The following LAS1L variants were observed in gnomAD, a reference collection of about 807,000 sequenced individuals.
The protein encoded by LAS1L is LAS1 like ribosome biogenesis factor, also known as ribosomal biogenesis protein LAS1L.
Under a neutral mutation model 57.3 loss-of-function variants are expected in LAS1L, and 5 were observed. That is an observed-to-expected ratio of 0.09 (90% CI 0.05 to 0.18). The LOEUF is 0.18. Ranked by LOEUF, LAS1L falls within the 10% of genes least tolerant of loss-of-function variation. LAS1L has a pLI of 1.00. For synonymous variants in LAS1L, 245 were observed against 231.7 expected, an observed-to-expected ratio of 1.06 and a Z score of -0.52; for missense variants, 360 against 568.3, an observed-to-expected ratio of 0.63 and a Z score of 3.73.
intron 3 of LAS1L, among the ~76,000 whole-genome samples, chrX:65,531,714 A>C (rs911777194): frequency 2.7e-5 from 3 of 112,177 alleles, no homozygotes; most frequent in African/African-American, 9.7e-5. Context: ...TTGGGAGCCC[A>C]GGGCAGGTGG....
At chrX:65,523,984 G>C in intron 10 of LAS1L, 72 bp downstream of exon 10, 1 of 1,016,064 alleles carries the variant, frequency 9.8e-7, no homozygotes, top group Non-Finnish European at 1.4e-6. Context: ...TCTTAGCAGA[G>C]AGCTGAGGAC....
chrX:65,534,650 C>G lies in LAS1L; in HGVS notation c.66G>C (p.Ala22=), dbSNP rs1219474459. ...TCCCTTTAACGCACTTTCCGTACCACGCACTCCACACGAGATCCATCCCCT... is the reference window on the plus strand; with the variant it reads ...TCCCTTTAACGCACTTTCCGTACCAGGCACTCCACACGAGATCCATCCCCT... The part of the protein sequence containing the change: ...GSQGMDLVWS[A]WYGKCVKGKG... The change falls in exon 1 of 14, where the codon GCG becomes GCC. Residue 22 remains alanine (A), a synonymous_variant. Transcript: ENST00000374811. The G allele has an allele frequency of 1.0e-5, 12 of 1,190,779 alleles. No individual in the cohort carries two copies. Among genetic ancestry groups the G allele is most frequent in the African/African-American group, 1.8e-5 (1 of 56,408 alleles).
At chrX:65,527,832 C>CA (rs1230988229) in intron 7 of LAS1L, among the ~76,000 whole-genome samples, 3 of 108,364 alleles carry the variant, frequency 2.8e-5, no homozygotes, top group South Asian at 7.9e-4. Context: ...GACACTTTCT[C>CA]AAAAAAAATA....
intron 13 of LAS1L, among the ~76,000 whole-genome samples, chrX:65,514,566 ACG>A (rs1491543159): frequency 3.1e-5 from 3 of 97,981 alleles, no homozygotes; most frequent in Admixed American, 1.1e-4. Flanking sequence ...ACACACACAC[ACG>A]TCCATCCATA....
intron 7 of LAS1L, among the ~76,000 whole-genome samples, chrX:65,525,500 C>A (rs1349465392): frequency 9.1e-6 from 1 of 110,457 alleles, no homozygotes; most frequent in East Asian, 2.8e-4. Flanking sequence ...TGGCTACCTT[C>A]TTTTAGATCC....
chrX:65,529,765 C>A lies in LAS1L; in HGVS notation c.628G>T (p.Asp210Tyr). The change falls in exon 5 of 14, where the codon GAT becomes TAT. Residue 210 changes from aspartate to tyrosine, a missense_variant. This residue lies in a region of LAS1L where 51 missense variants were observed against 43.1 expected (regional missense o/e 1.18). Transcript: ENST00000374811. The stretch of plus-strand genomic sequence containing the variant: ...ACAATGTTCTTATCTTCCTCTTGAT[C>A]CTCTTCCTCTATCCCTTCCCTGAAC... Reference protein sequence around the residue: ...EEFREGIEEEDQEEDKNIVVD... With the variant: ...EEFREGIEEEYQEEDKNIVVD... 8.3e-7 allele frequency: 1 copy of A among 1,211,650 alleles called. No homozygotes were observed. The highest frequency in any genetic ancestry group is 1.1e-6 in the Non-Finnish European group (1 of 895,378).
In LAS1L at chrX:65,512,765, G is replaced by C. The variant is rs1245443426; in HGVS notation, c.*10C>G. 3 of 1,165,902 alleles carry C rather than the reference G, an allele frequency of 2.6e-6. No homozygotes were observed. The highest frequency in any genetic ancestry group is 1.1e-6 in the Non-Finnish European group (1 of 871,486). On this transcript the variant is annotated 3_prime_UTR_variant, in exon 14 of 14. Coordinates refer to ENST00000374811, the MANE Select transcript of LAS1L (RefSeq NM_031206.7). ...CACGGCTGGATGAACACTTGCACCA[G>C]GGATGGCCATCAGAAGAGCTGCAGG...
chrX:65,520,406 A>C, intron 11 of LAS1L: 8 of 745,881 alleles, frequency 1.1e-5, no homozygotes, highest in Non-Finnish European at 1.3e-5. Flanking sequence ...CTCTACAAAA[A>C]AACACAGCAC....
chrX:65,533,803 T>G, intron 1 of LAS1L, 68 bp from the exon 2 acceptor site: 1 of 1,120,183 alleles, frequency 8.9e-7, no homozygotes. Context: ...CCTCAGAACC[T>G]AGGTTGTTGC....
chrX:65,526,949 C>T (rs943481712), intron 7 of LAS1L, among the ~76,000 whole-genome samples: 7 of 110,575 alleles, frequency 6.3e-5, no homozygotes, highest in African/African-American at 2.3e-4. Context: ...TGGTGGCTCA[C>T]ATCTGTAATC....
intron 2 of LAS1L, 29 bp from the exon 3 acceptor site, chrX:65,532,659 A>G (rs946031742): frequency 6.7e-6 from 7 of 1,045,111 alleles, no homozygotes; most frequent in Non-Finnish European, 8.1e-6. Flanking sequence ...TAAGTGGCAC[A>G]GCCCAAGGAA....
chrX:65,520,848 CT>C lies in LAS1L; in HGVS notation c.1449-2384del, dbSNP rs1228779354. ...GATTGGAAAGTACCTTGAAGGCCAC[CT>C]ATCCAAACCTCTCCATGCTGCTCTT... On this transcript the variant is annotated intron_variant, in intron 11 of 13. Transcript: ENST00000374811. 3 of 752,315 alleles carry C rather than the reference CT, an allele frequency of 4.0e-6. No homozygotes were observed. In the African/African-American group the frequency reaches 7.0e-5, roughly 17 times the overall value. 62.0% of individuals were successfully genotyped at this position (752,315 alleles called of 1,213,427 possible).
At chrX:65,519,753 G>T (rs2068776255) in intron 11 of LAS1L, among the ~76,000 whole-genome samples, 1 of 110,904 alleles carries the variant, frequency 9.0e-6, no homozygotes, top group Non-Finnish European at 1.9e-5. Context: ...GACGGGCCAT[G>T]AGCTCAGCAG....
intron 11 of LAS1L, 104 bp from the exon 12 acceptor site, chrX:65,518,569 C>T: frequency 1.9e-6 from 2 of 1,049,937 alleles, no homozygotes; most frequent in Non-Finnish European, 2.5e-6. Context: ...CCAGACCTGC[C>T]TCTGAAAGGC....
chrX:65,518,040 A>G lies in LAS1L; in HGVS notation c.1874T>C (p.Leu625Pro), dbSNP rs778107805. The G allele has an allele frequency of 9.1e-6, 11 of 1,211,569 alleles. No homozygotes were observed. The change falls in exon 12 of 14, where the codon CTT becomes CCT. Residue 625 changes from leucine (L) to proline (P), a missense_variant. Leu to Pro is a moderately conservative substitution (Grantham distance 98). This residue lies in a region of LAS1L where 123 missense variants were observed against 168.3 expected (regional missense o/e 0.73). Transcript: ENST00000374811. ...QESPTAENAR[L>P]LAQKRGALQG... ...CAAAGCTCCTCTTTTCTGGGCCAGAAGCCTAGCATTCTCGGCAGTGGGGGA... is the reference window on the plus strand; with the variant it reads ...CAAAGCTCCTCTTTTCTGGGCCAGAGGCCTAGCATTCTCGGCAGTGGGGGA...
At chrX:65,513,295 C>T (rs560118291) in intron 13 of LAS1L, among the ~76,000 whole-genome samples, 85 of 112,224 alleles carry the variant, frequency 7.6e-4, no homozygotes, top group Non-Finnish European at 1.1e-3. Flanking sequence ...CCCTCCCACA[C>T]CCAACACCTG....
At chrX:65,519,231 G>A (rs1483689863) in intron 11 of LAS1L, among the ~76,000 whole-genome samples, 1 of 111,768 alleles carries the variant, frequency 8.9e-6, no homozygotes, top group East Asian at 2.8e-4. Context: ...CCCAGCTAGA[G>A]GGCACGGCCT....
chrX:65,526,521 A>G (rs1361797918), intron 7 of LAS1L, among the ~76,000 whole-genome samples: 1 of 111,579 alleles, frequency 9.0e-6, no homozygotes, highest in African/African-American at 3.3e-5. Flanking sequence ...AGTATCCTGG[A>G]CATGAAGAGA....
chrX:65,518,198 TTTCTCCTCC>T lies in LAS1L; in HGVS notation c.1707_1715del (p.Glu571_Glu573del), dbSNP rs757435338. On this transcript the variant is annotated inframe_deletion, in exon 12 of 14. Coordinates refer to ENST00000374811, the MANE Select transcript of LAS1L (RefSeq NM_031206.7). ...CCTCTACCTGGTCTGGCAAGACCTC[TTTCTCCTCC>T]TTCTCCTCTTCCTTGACATCATTAA... 6.6e-6 allele frequency: 8 copies of T among 1,209,750 alleles called. No homozygotes were observed. The highest frequency in any genetic ancestry group is 5.6e-6 in the Non-Finnish European group (5 of 893,456).
Sources: gnomAD v4.1 joint callset for allele counts (sites outside exome capture counted in the v4.1 genomes callset) on GRCh38, gnomAD v4.1.1 for gene constraint, gnomAD v4.1.1 regional missense constraint, MANE v1.5 for transcripts, NCBI Gene and HGNC (gene_info 2026-07-23, HGNC 2026-07-21) for gene names.